AFF3: variants seen among roughly 807,000 people sequenced by gnomAD.
The protein encoded by AFF3 is ALF transcription elongation factor 3, also known as AF4/FMR2 family member 3.
A neutral mutation model predicts 129.7 loss-of-function variants in AFF3; 32 were observed. That is an observed-to-expected ratio of 0.25 (90% confidence interval 0.19 to 0.33). The LOEUF (loss-of-function observed/expected upper bound fraction) is 0.33. Ranked by LOEUF, AFF3 falls within the 10% of genes least tolerant of loss-of-function variation. AFF3 has a pLI of 1.00. For missense variants in AFF3, 1,373 were observed against 1,592.0 expected (o/e 0.86, Z 2.34); for synonymous variants, 644 against 635.4 (o/e 1.01, Z -0.20).
intron 8 of AFF3, among the ~76,000 whole-genome samples, chr2:99,771,269 T>C (rs926431841): frequency 6.6e-6 from 1 of 151,980 alleles, no homozygotes; most frequent in African/African-American, 2.4e-5. Context: ...CCATGGGGGA[T>C]CATCAGGAAG....
At chr2:99,630,421 G>C (rs563412039) in intron 13 of AFF3, among the ~76,000 whole-genome samples, 1 of 152,120 alleles carries the variant, frequency 6.6e-6, no homozygotes, top group Admixed American at 6.6e-5. Flanking sequence ...ATAGAGATTA[G>C]GCCAGAGTGG....
At chr2:99,997,271 T>C (rs1438179564) in intron 7 of AFF3, among the ~76,000 whole-genome samples, 1 of 152,148 alleles carries the variant, frequency 6.6e-6, no homozygotes, top group Non-Finnish European at 1.5e-5. Flanking sequence ...ACTCTTGCTC[T>C]TGCCCCCAAA....
intron 7 of AFF3, among the ~76,000 whole-genome samples, chr2:99,977,575 C>G (rs190206273): frequency 1.2e-4 from 19 of 152,340 alleles, no homozygotes; most frequent in South Asian, 4.1e-4. Flanking sequence ...AATAGCCCAG[C>G]TCTGCTTCCA....
chr2:99,742,559 C>G (rs1427720197), intron 10 of AFF3, among the ~76,000 whole-genome samples: 1 of 152,162 alleles, frequency 6.6e-6, no homozygotes, highest in Non-Finnish European at 1.5e-5. Flanking sequence ...ACAGAAATCA[C>G]AGCAGACAGT....
intron 2 of AFF3, chr2:100,107,505 T>C (rs1027199862): frequency 8.1e-6 from 8 of 985,304 alleles, no homozygotes; most frequent in Non-Finnish European, 9.6e-6. Context: ...GTTAGAGTGA[T>C]GTTTTCTATG....
chr2:99,890,022 C>T (rs1418114259), intron 7 of AFF3, among the ~76,000 whole-genome samples: 1 of 152,194 alleles, frequency 6.6e-6, no homozygotes, highest in Non-Finnish European at 1.5e-5. Flanking sequence ...AACACAGGTG[C>T]CCTTTTGCGT....
chr2:99,872,223 A>G (rs1302113561), intron 7 of AFF3, among the ~76,000 whole-genome samples: 1 of 151,370 alleles, frequency 6.6e-6, no homozygotes, highest in Non-Finnish European at 1.5e-5. Context: ...AAAAAAAAAA[A>G]AAAAAAAAAG....
At chr2:100,089,279 G>A (rs1023154227) in intron 4 of AFF3, among the ~76,000 whole-genome samples, 1 of 143,920 alleles carries the variant, frequency 6.9e-6, no homozygotes, top group Non-Finnish European at 1.5e-5. Flanking sequence ...CAAGTTACAA[G>A]TAAAGCTTGG....
intron 8 of AFF3, among the ~76,000 whole-genome samples, chr2:99,831,335 A>C (rs1054301515): frequency 1.3e-5 from 2 of 152,256 alleles, no homozygotes; most frequent in African/African-American, 4.8e-5. Context: ...AAGTCTGATG[A>C]ATACGTATGG....
intron 13 of AFF3, among the ~76,000 whole-genome samples, chr2:99,634,581 G>C (rs1683441097): frequency 6.6e-6 from 1 of 152,060 alleles, no homozygotes; most frequent in Non-Finnish European, 1.5e-5. Context: ...AGCAAAATTT[G>C]TCCTTCATTT....
At chr2:99,902,047 T>TA (rs1324294169) in intron 7 of AFF3, among the ~76,000 whole-genome samples, 1 of 151,380 alleles carries the variant, frequency 6.6e-6, no homozygotes, top group East Asian at 2.0e-4. Flanking sequence ...TTCTCCTACT[T>TA]AGAGGCAGAG....
chr2:99,984,224 C>T (rs1163906329), intron 7 of AFF3, among the ~76,000 whole-genome samples: 1 of 152,132 alleles, frequency 6.6e-6, no homozygotes, highest in Non-Finnish European at 1.5e-5. Context: ...TGAAGAAATA[C>T]ACAATGTATC....
intron 2 of AFF3, among the ~76,000 whole-genome samples, chr2:100,122,432 G>A (rs868791241): frequency 1.3e-5 from 2 of 152,162 alleles, no homozygotes; most frequent in Non-Finnish European, 2.9e-5. Flanking sequence ...ATGTGTTATT[G>A]TGTCAACATT....
chr2:100,040,053 A>G (rs1396646923), intron 4 of AFF3, among the ~76,000 whole-genome samples: 2 of 152,172 alleles, frequency 1.3e-5, no homozygotes, highest in Non-Finnish European at 2.9e-5. Flanking sequence ...CAGCATTAAG[A>G]AGGACTGCAA....
chr2:99,622,990 A>T (rs1489969914), intron 13 of AFF3, among the ~76,000 whole-genome samples: 1 of 152,132 alleles, frequency 6.6e-6, no homozygotes, highest in Non-Finnish European at 1.5e-5. Context: ...AGAAAAGATG[A>T]GTGAGAGAGT....
At position 99,768,758 on chromosome 2, in the gene AFF3, C is replaced by A. The variant is rs191270901; in HGVS notation, c.922-16457G>T. On this transcript the variant is annotated intron_variant, in intron 8 of 24. Transcript: ENST00000672756. ...TCTTCCTGTTTGAAGGATATTTTCA[C>A]CAGATACACTATTCTGGGGTAAAAG... 9.8e-4 allele frequency among the ~76,000 whole-genome samples: 150 copies of A among 152,314 alleles called. 3 individuals are homozygous for A. Among genetic ancestry groups the A allele is most frequent in the Middle Eastern group, 6.8e-3 (2 of 294 alleles).
intron 8 of AFF3, among the ~76,000 whole-genome samples, chr2:99,767,710 C>T (rs1683139080): frequency 6.6e-6 from 1 of 152,220 alleles, no homozygotes; most frequent in Admixed American, 6.5e-5. Context: ...GTCATCTCAG[C>T]ACTTTGGGAG....
At chr2:99,806,782 T>C (rs73964317) in intron 8 of AFF3, among the ~76,000 whole-genome samples, 3,934 of 152,278 alleles carry the variant, frequency 0.026, 109 homozygotes, top group African/African-American at 0.064. Flanking sequence ...CCCAGCACAG[T>C]GTATGGCAAA....
rs199674125 is a variant in AFF3, at chr2:99,991,902, C to CA, written c.873+14729dup. Reference sequence around the variant, plus strand: ...TGGGCAACAGAGCAAGATTTTGTCTCAAAAACAAAAACAAAAACAAAAAAA... The same window carrying CA: ...TGGGCAACAGAGCAAGATTTTGTCTCAAAAAACAAAAACAAAAACAAAAAAA... On this transcript the variant is annotated intron_variant, in intron 7 of 24. Coordinates refer to ENST00000672756, the MANE Select transcript of AFF3 (RefSeq NM_001386135.1). 1.1e-3 allele frequency among the ~76,000 whole-genome samples: 139 copies of CA among 130,572 alleles called. 1 individual carries two copies. The Middle Eastern group carries it at 0.022, about 21-fold the overall frequency. 85.7% of individuals were successfully genotyped at this position (130,572 alleles called of 152,430 possible). A position where few individuals can be genotyped will look rare whatever the true frequency, so the allele number is the denominator to read the frequency against.
Sources: gnomAD v4.1 joint callset for allele counts (sites outside exome capture counted in the v4.1 genomes callset) on GRCh38, gnomAD v4.1.1 for gene constraint, MANE v1.5 for transcripts, NCBI Gene and HGNC (gene_info 2026-07-23, HGNC 2026-07-21) for gene names.